The following MLC1 variants were observed in gnomAD, a reference collection of about 807,000 sequenced individuals.
MLC1 encodes the protein membrane protein MLC1.
Under a neutral mutation model 44.7 loss-of-function variants are expected in MLC1, and 32 were observed. That is an observed-to-expected ratio of 0.72 (90% CI 0.54 to 0.96). The LOEUF (loss-of-function observed/expected upper bound fraction) is 0.96, where lower values mean the gene tolerates loss of function less well. Among genes scored for constraint, MLC1 ranks in the 40% least tolerant of loss-of-function variants. The pLI, the probability that MLC1 is intolerant of heterozygous loss-of-function variation, is 0.00. For missense variants in MLC1, 459 were observed against 492.2 expected, an observed-to-expected ratio of 0.93 and a Z score of 0.64; for synonymous variants, 190 against 213.0, an observed-to-expected ratio of 0.89 and a Z score of 0.94.
At chr22:50,078,124 C>G (rs1323736760) in intron 5 of MLC1, among the ~76,000 whole-genome samples, 1 of 151,650 alleles carries the variant, frequency 6.6e-6, no homozygotes, top group Non-Finnish European at 1.5e-5. Flanking sequence ...CCCGAGTAAG[C>G]TGGGGTTACA....
Position 50,084,916 on chromosome 22 carries a change from A to G in MLC1, c.-14T>C. 1 of 1,609,806 alleles carries G rather than the reference A, an allele frequency of 6.2e-7. No homozygotes were observed. Reference sequence around the variant, plus strand: ...CTCCTGGGTCATGGCACTTGGGGACACCACAGCTGTGCTGAATGTACAGCC... The same window carrying G: ...CTCCTGGGTCATGGCACTTGGGGACGCCACAGCTGTGCTGAATGTACAGCC... On this transcript the variant is annotated 5_prime_UTR_variant, in exon 2 of 12. Coordinates refer to ENST00000311597, the MANE Select transcript of MLC1 (RefSeq NM_015166.4).
At chr22:50,074,702 G>C (rs984596327) in intron 7 of MLC1, 5 of 324,112 alleles carry the variant, frequency 1.5e-5, no homozygotes, top group Non-Finnish European at 3.0e-5. Flanking sequence ...GGACCCCATC[G>C]AAGGGACTCG....
intron 9 of MLC1, among the ~76,000 whole-genome samples, chr22:50,070,137 G>C (rs2061814395): frequency 6.6e-6 from 1 of 152,166 alleles, no homozygotes; most frequent in African/African-American, 2.4e-5. Flanking sequence ...GGGAGGCGGA[G>C]GTTGCAGTGA....
intron 5 of MLC1, among the ~76,000 whole-genome samples, chr22:50,079,467 G>A (rs377456804): frequency 6.7e-4 from 98 of 145,520 alleles, no homozygotes; most frequent in African/African-American, 2.5e-3. Flanking sequence ...GCAGTATCTC[G>A]GATGAGGTCC....
chr22:50,064,251 G>C (rs988224822), intron 10 of MLC1, 53 bp from the exon 11 acceptor site: 5 of 1,548,512 alleles, frequency 3.2e-6, no homozygotes, highest in Non-Finnish European at 4.3e-6. Context: ...TCCAGCCCAG[G>C]AGACCAAAGC....
chr22:50,065,530 C>T (rs557954997), intron 10 of MLC1, among the ~76,000 whole-genome samples: 2 of 152,370 alleles, frequency 1.3e-5, no homozygotes, highest in South Asian at 2.1e-4. Context: ...TGGTCTCCCC[C>T]GGCACCAGGG....
In MLC1 at chr22:50,083,492, C is replaced by G. The variant is rs1333538901; in HGVS notation, c.178-319G>C. 2.6e-5 allele frequency among the ~76,000 whole-genome samples: 4 copies of G among 152,210 alleles called. No homozygotes were observed. Among genetic ancestry groups the G allele is most frequent in the Admixed American group, 6.5e-5 (1 of 15,284 alleles). ...ATGGCACCTCTCCCCACAAAATACT[C>G]CTGCCCCAACATGTTGTGCGTGCAG... On this transcript the variant is annotated intron_variant, in intron 2 of 11. Transcript: ENST00000311597. The surrounding 1 kb of genome is among the most constrained non-coding windows in gnomAD (Gnocchi z 4.6).
Position 50,083,288 on chromosome 22 carries a change from G to T in MLC1, c.178-115C>A. 1 of 929,096 alleles carries T rather than the reference G, an allele frequency of 1.1e-6. No homozygotes were observed. The highest frequency in any genetic ancestry group is 1.7e-6 in the Non-Finnish European group (1 of 584,864). 57.6% of individuals were successfully genotyped at this position (929,096 alleles called of 1,614,324 possible). On this transcript the variant is annotated intron_variant, in intron 2 of 11. Coordinates refer to ENST00000311597, the MANE Select transcript of MLC1 (RefSeq NM_015166.4). This position sits in a 1 kb window ranked among gnomAD's most constrained non-coding sequence, Gnocchi z 4.6. ...ATTGGTGACTCACCCACGTCCCCCA[G>T]CATCAACCACACCCGCACCTGGGAC...
At chr22:50,071,196 C>T (rs1343830268) in intron 8 of MLC1, among the ~76,000 whole-genome samples, 1 of 151,868 alleles carries the variant, frequency 6.6e-6, no homozygotes, top group Non-Finnish European at 1.5e-5. Context: ...GCAACCTCCA[C>T]CTCCCAGGTT....
In MLC1 at chr22:50,083,953, C is replaced by A. The variant is rs1602067152; in HGVS notation, c.177+773G>T. Among the ~76,000 whole-genome samples, 2 of 152,222 alleles carry A rather than the reference C, an allele frequency of 1.3e-5. No homozygotes were observed. Among genetic ancestry groups the A allele is most frequent in the African/African-American group, 4.8e-5 (2 of 41,554 alleles). ...GCCGCCTCTGTCCCCAGCTCCGAGGCAGACGCCTGTCTTGGTGGGGCATGC... is the reference window on the plus strand; with the variant it reads ...GCCGCCTCTGTCCCCAGCTCCGAGGAAGACGCCTGTCTTGGTGGGGCATGC... On this transcript the variant is annotated intron_variant, in intron 2 of 11. Transcript: ENST00000311597. The surrounding 1 kb of genome is among the most constrained non-coding windows in gnomAD (Gnocchi z 4.6).
At chr22:50,071,691 T>A (rs1314192464) in intron 8 of MLC1, among the ~76,000 whole-genome samples, 1 of 152,216 alleles carries the variant, frequency 6.6e-6, no homozygotes, top group Non-Finnish European at 1.5e-5. Context: ...TAGGGGGATC[T>A]GTAGGTTCCT....
At position 50,062,207 on chromosome 22, in the gene MLC1, G is replaced by GCCCACCC. The variant is rs1569240697; in HGVS notation, c.1060-551_1060-550insGGGTGGG. On this transcript the variant is annotated intron_variant, in intron 11 of 11. Transcript: ENST00000311597. ...CAGCCATCCACCCTGAGCCCCAGCC[G>GCCCACCC]TCCACCCTGAGCCCCAGCCGCCCAC... 2.0e-3 allele frequency among the ~76,000 whole-genome samples: 221 copies of GCCCACCC among 111,168 alleles called. 12 individuals are homozygous for GCCCACCC. The highest frequency in any genetic ancestry group is 8.4e-3 in the African/African-American group (197 of 23,342). The allele number at this position is 111,168 out of a possible 152,430, so 72.9% of individuals were successfully genotyped here. A position where few individuals can be genotyped will look rare whatever the true frequency, so the allele number is the denominator to read the frequency against.
intron 7 of MLC1, among the ~76,000 whole-genome samples, chr22:50,075,998 C>T (rs773133570): frequency 6.6e-6 from 1 of 151,974 alleles, no homozygotes; most frequent in Non-Finnish European, 1.5e-5. Context: ...AATTTCCCAT[C>T]CAAAATTAGA....
At chr22:50,077,380 G>A (rs758310500) in intron 6 of MLC1, 21 bp downstream of exon 6, 26 of 1,605,774 alleles carry the variant, frequency 1.6e-5, no homozygotes, top group Admixed American at 1.2e-4. Context: ...CCTGCCCTGC[G>A]GGGTCAGAAG....
At chr22:50,080,118 G>C in intron 4 of MLC1, 99 bp from the exon 5 acceptor site, 1 of 1,084,006 alleles carries the variant, frequency 9.2e-7, no homozygotes, top group Non-Finnish European at 1.4e-6. Context: ...AAATTATCCT[G>C]ATTAGGACAT....
chr22:50,070,706 A>AG, intron 8 of MLC1, 123 bp from the exon 9 acceptor site: 2 of 1,083,306 alleles, frequency 1.8e-6, no homozygotes, highest in Non-Finnish European at 2.7e-6. Flanking sequence ...TGTGGGGGGC[A>AG]GGGGGGATGG....
Position 50,064,059 on chromosome 22 carries a change from C to A in MLC1, c.1034G>T (p.Gly345Val). ...CTCCCCAGCCAGGCGCTCCTGCGGG[C>A]CGTTCTGGGTGTCCCAGGATGCACC... Reference protein sequence around the residue: ...LQGASWDTQNGPQERLAGEVA... With the variant: ...LQGASWDTQNVPQERLAGEVA... The change falls in exon 11 of 12, where the codon GGC becomes GTC. Residue 345 changes from glycine (G) to valine (V), a missense_variant. Gly to Val is a moderately radical substitution (Grantham distance 109). Coordinates refer to ENST00000311597, the MANE Select transcript of MLC1 (RefSeq NM_015166.4). 6.2e-7 allele frequency: 1 copy of A among 1,607,758 alleles called. No individual in the cohort carries two copies.
chr22:50,081,016 A>AGAAAGAAAGAAAGAAC (rs2062114465), intron 3 of MLC1, among the ~76,000 whole-genome samples: 2 of 138,982 alleles, frequency 1.4e-5, no homozygotes, highest in African/African-American at 5.9e-5. Context: ...AAAAAAAGAA[A>AGAAAGAAAGAAAGAAC]GAAAGAAAGA....
chr22:50,072,338 C>A (rs1037775339), intron 8 of MLC1, among the ~76,000 whole-genome samples: 1 of 152,248 alleles, frequency 6.6e-6, no homozygotes, highest in Non-Finnish European at 1.5e-5. Context: ...GCACCTGCCT[C>A]CAGCCCATGG....
Sources: allele counts gnomAD v4.1 joint callset (sites outside exome capture counted in the v4.1 genomes callset), GRCh38; gene constraint gnomAD v4.1.1; non-coding constraint Gnocchi (gnomAD v3.1); transcripts MANE v1.5; gene names NCBI Gene and HGNC (gene_info 2026-07-23, HGNC 2026-07-21).